MYO18B: variants seen among roughly 807,000 people sequenced by gnomAD.
The protein encoded by MYO18B is myosin XVIIIB.
Under a neutral mutation model 273.0 loss-of-function variants are expected in MYO18B, and 204 were observed. That is an observed-to-expected ratio of 0.75 (90% CI 0.67 to 0.84). The LOEUF is 0.84. Among genes scored for constraint, MYO18B ranks in the 40% least tolerant of loss-of-function variants. MYO18B has a pLI of 0.00. For synonymous variants in MYO18B, 1,330 were observed against 1,305.7 expected (o/e 1.02, Z -0.40); for missense variants, 3,212 against 3,287.6 (o/e 0.98, Z 0.56).
At position 26,004,829 on chromosome 22, in the gene MYO18B, C is replaced by T. The variant is rs370182452; in HGVS notation, c.6444C>T (p.Ala2148=). Residue 2148 remains alanine (A), a synonymous_variant, in exon 42 of 44, where the codon GCC becomes GCT. Transcript: ENST00000335473. ...TGAGGACTCCTTCTCGACAGTCAGC[C>T]ACCAGCAGCCGCATCCTCAGCCCCA... ...DTMRTPSRQS[A]TSSRILSPRI... 8.7e-6 allele frequency: 14 copies of T among 1,613,796 alleles called. No individual in the cohort carries two copies. In the African/African-American group the frequency reaches 1.7e-4, roughly 20 times the overall value.
intron 31 of MYO18B, among the ~76,000 whole-genome samples, chr22:25,907,229 A>C (rs2146365620): frequency 6.6e-6 from 1 of 152,372 alleles, no homozygotes; most frequent in East Asian, 1.9e-4. Flanking sequence ...AGATCAGGAA[A>C]GTGAAGTCTT....
intron 39 of MYO18B, among the ~76,000 whole-genome samples, chr22:25,989,548 C>T (rs774449810): frequency 1.2e-4 from 17 of 145,526 alleles, no homozygotes; most frequent in Non-Finnish European, 2.2e-4. Context: ...TTTAGGAGGC[C>T]GAGGCGGGTG....
chr22:25,784,463 T>C (rs1488364398), intron 10 of MYO18B, among the ~76,000 whole-genome samples: 5 of 152,246 alleles, frequency 3.3e-5, no homozygotes, highest in Non-Finnish European at 7.3e-5. Context: ...TTACCTTGTC[T>C]GCCACATGGC....
chr22:25,896,565 T>C (rs945461504), intron 28 of MYO18B: 1 of 152,180 alleles, frequency 6.6e-6, no homozygotes, highest in African/African-American at 2.4e-5. Flanking sequence ...GAAATTTCCT[T>C]CTTTCTTGAA....
intron 34 of MYO18B, among the ~76,000 whole-genome samples, chr22:25,926,865 C>T (rs916868429): frequency 4.6e-5 from 7 of 152,156 alleles, no homozygotes; most frequent in South Asian, 2.1e-4. Flanking sequence ...GGCAGAAGAA[C>T]GTGGATTGTA....
chr22:26,042,396 G>A, the MYO18B span, among the ~76,000 whole-genome samples: 11,763 of 152,236 alleles, frequency 0.077, 772 homozygotes, highest in African/African-American at 0.17. Context: ...CCCATCCCCC[G>A]GCCTGCCCTT....
At chr22:25,811,598 C>T (rs901873372) in intron 12 of MYO18B, among the ~76,000 whole-genome samples, 1 of 152,192 alleles carries the variant, frequency 6.6e-6, no homozygotes, top group African/African-American at 2.4e-5. Context: ...AGTGGGTTCA[C>T]ACCACCTTTG....
intron 33 of MYO18B, 104 bp downstream of exon 33, chr22:25,911,154 A>C: frequency 2.4e-6 from 2 of 842,548 alleles, no homozygotes; most frequent in Non-Finnish European, 3.8e-6. Flanking sequence ...CTCCTCCATC[A>C]GCTCTGTTCC....
intron 42 of MYO18B, among the ~76,000 whole-genome samples, chr22:26,007,518 A>T (rs1934529479): frequency 6.6e-6 from 1 of 152,212 alleles, no homozygotes. Flanking sequence ...ATTAGTACTA[A>T]AACTGCCTAA....
In MYO18B at chr22:25,871,783, GCAAAAAAAA is replaced by G. The variant is rs1228834152; in HGVS notation, c.3952-2495_3952-2487del. Among the ~76,000 whole-genome samples, 21 of 151,328 alleles carry G rather than the reference GCAAAAAAAA, an allele frequency of 1.4e-4. 1 individual carries two copies. The highest frequency in any genetic ancestry group is 1.4e-3 in the Admixed American group (21 of 15,226). ...CTGGTCGGCAATATGCTCTTAAAAG[GCAAAAAAAA>G]CAAAAAACAAAAAACAAAAAACCAG... On this transcript the variant is annotated intron_variant, in intron 22 of 43. Coordinates refer to ENST00000335473, the MANE Select transcript of MYO18B (RefSeq NM_032608.7).
intron 7 of MYO18B, among the ~76,000 whole-genome samples, chr22:25,777,273 G>A (rs1569003059): frequency 2.0e-5 from 3 of 152,160 alleles, no homozygotes; most frequent in South Asian, 2.1e-4. Context: ...GATACCATTC[G>A]ATGCTTTGAG....
At chr22:26,052,207 G>C in the MYO18B span, among the ~76,000 whole-genome samples, 13 of 152,318 alleles carry the variant, frequency 8.5e-5, no homozygotes, top group East Asian at 2.1e-3. Context: ...GTTGTTGGCT[G>C]TTTTGTGGGT....
intron 11 of MYO18B, among the ~76,000 whole-genome samples, chr22:25,788,815 C>T (rs893578735): frequency 5.9e-5 from 9 of 152,074 alleles, no homozygotes; most frequent in African/African-American, 1.2e-4. Context: ...AACTCACTGG[C>T]GACAGTGGAG....
chr22:25,955,173 TC>T lies in MYO18B; in HGVS notation c.5971-3del. 6.3e-7 allele frequency: 1 copy of T among 1,595,820 alleles called. No individual in the cohort carries two copies. Reference sequence around the variant, plus strand: ...CAAGGTGGGCATGTGTCTCTGCCCCTCCCAGGTCCTGGTGATCCGGCTTCGG... The same window carrying T: ...CAAGGTGGGCATGTGTCTCTGCCCCTCCAGGTCCTGGTGATCCGGCTTCGG... On this transcript the variant is annotated splice_polypyrimidine_tract_variant and splice_region_variant and intron_variant, in intron 38 of 43. Coordinates refer to ENST00000335473, the MANE Select transcript of MYO18B (RefSeq NM_032608.7).
intron 23 of MYO18B, 118 bp from the exon 24 acceptor site, chr22:25,876,071 T>G (rs1045409849): frequency 1.3e-6 from 1 of 741,008 alleles, no homozygotes; most frequent in African/African-American, 1.8e-5. Context: ...TCCAGTCCCT[T>G]CCACCGGGAA....
In MYO18B at chr22:25,974,827, G is replaced by A. The variant is rs559151866; in HGVS notation, c.6157-17536G>A. On this transcript the variant is annotated intron_variant, in intron 39 of 43. Transcript: ENST00000335473. The stretch of plus-strand genomic sequence containing the variant: ...CCATTCAAATATGGAGCCATTTTAA[G>A]CACAGTTTTGATTGGTTCAGTCCAC... Among the ~76,000 whole-genome samples, 19 of 152,298 alleles carry A rather than the reference G, an allele frequency of 1.2e-4. No individual in the cohort carries two copies. In the East Asian group the frequency reaches 1.7e-3, roughly 14 times the overall value.
chr22:25,948,444 TTCCTTCC>T (rs2092745610), intron 36 of MYO18B, among the ~76,000 whole-genome samples: 3 of 130,860 alleles, frequency 2.3e-5, no homozygotes, highest in African/African-American at 9.9e-5. Flanking sequence ...CCTTCCTTCC[TTCCTTCC>T]TTCCTTCCTT....
chr22:26,023,130 C>T (rs548405079), intron 42 of MYO18B, among the ~76,000 whole-genome samples: 54 of 152,300 alleles, frequency 3.5e-4, no homozygotes, highest in African/African-American at 1.3e-3. Flanking sequence ...CCATCACCAC[C>T]GCCCTTCTGG....
At chr22:25,754,731 C>T (rs866307531) in intron 1 of MYO18B, among the ~76,000 whole-genome samples, 3 of 152,218 alleles carry the variant, frequency 2.0e-5, no homozygotes, top group Non-Finnish European at 4.4e-5. Context: ...CTTGACAAAA[C>T]CTCCCCGGCG....
Sources: gnomAD v4.1 joint callset for allele counts (sites outside exome capture counted in the v4.1 genomes callset) on GRCh38, gnomAD v4.1.1 for gene constraint, MANE v1.5 for transcripts, NCBI Gene and HGNC (gene_info 2026-07-23, HGNC 2026-07-21) for gene names.